The following GRK4 variants were observed in gnomAD, a reference collection of about 807,000 sequenced individuals.
The protein encoded by GRK4 is G protein-coupled receptor kinase 2-like.
Under a neutral mutation model 77.9 loss-of-function variants are expected in GRK4, and 73 were observed. The observed-to-expected ratio is 0.94, with a 90% confidence interval of 0.78 to 1.14. The LOEUF (loss-of-function observed/expected upper bound fraction) is 1.14. GRK4 is among the 50% of genes most tolerant of loss of function. The pLI, the probability that GRK4 is intolerant of heterozygous loss-of-function variation, is 0.00. For synonymous variants in GRK4, 257 were observed against 254.4 expected (o/e 1.01, Z -0.10); for missense variants, 729 against 700.2 (o/e 1.04, Z -0.46).
Position 3,040,556 on chromosome 4 carries a change from C to T in GRK4, c.1684-16C>T. 6.2e-7 allele frequency: 1 copy of T among 1,604,036 alleles called. No individual in the cohort carries two copies. Among genetic ancestry groups the T allele is most frequent in the Admixed American group, 1.7e-5 (1 of 58,298 alleles). On this transcript the variant is annotated splice_polypyrimidine_tract_variant and intron_variant, in intron 15 of 15. Transcript: ENST00000398052. The stretch of plus-strand genomic sequence containing the variant: ...CGCATCAGCCGTGTGCCTGAGGCCG[C>T]CGCTGTGTGTTGTAGGGCTGCCTGA...
intron 1 of GRK4, among the ~76,000 whole-genome samples, chr4:2,974,377 T>C (rs553010753): frequency 2.6e-5 from 4 of 152,356 alleles, no homozygotes; most frequent in African/African-American, 9.6e-5. Flanking sequence ...TGAATGAATG[T>C]ATGAATAGCA....
intron 6 of GRK4, among the ~76,000 whole-genome samples, chr4:3,008,085 A>G (rs1297154540): frequency 6.6e-6 from 1 of 152,266 alleles, no homozygotes; most frequent in Non-Finnish European, 1.5e-5. Flanking sequence ...ATACTGATTG[A>G]CGTAGACTTT....
intron 10 of GRK4, among the ~76,000 whole-genome samples, chr4:3,025,911 T>C (rs1295535968): frequency 6.6e-6 from 1 of 152,248 alleles, no homozygotes; most frequent in Non-Finnish European, 1.5e-5. Context: ...ACCACATGTA[T>C]TGTCCTCCAC....
chr4:2,997,143 T>C (rs1384362247), intron 4 of GRK4, among the ~76,000 whole-genome samples: 1 of 152,210 alleles, frequency 6.6e-6, no homozygotes, highest in African/African-American at 2.4e-5. Flanking sequence ...TCAGACATTG[T>C]TAGTTTTTCT....
Position 3,038,386 on chromosome 4 carries a change from C to G in GRK4, c.1556C>G (p.Ser519Cys). ...SIPWQNEMIESGCFKDINKSE... is the reference protein window; with the variant it reads ...SIPWQNEMIECGCFKDINKSE... ...ATTCTGTGCATGCAGATGATCGAAT[C>G]TGGGTGTTTCAAAGACATCAACAAA... is the stretch of plus-strand genomic sequence containing the variant. Residue 519 changes from serine to cysteine, a missense_variant, in exon 15 of 16, where the codon TCT becomes TGT. Physicochemically the swap from Ser to Cys is moderately radical, Grantham distance 112. Coordinates refer to ENST00000398052, the MANE Select transcript of GRK4 (RefSeq NM_182982.3). The G allele has an allele frequency of 6.2e-7, 1 of 1,614,162 alleles. No individual in the cohort carries two copies. Among genetic ancestry groups the G allele is most frequent in the Non-Finnish European group, 8.5e-7 (1 of 1,180,022 alleles).
intron 1 of GRK4, among the ~76,000 whole-genome samples, chr4:2,974,339 G>C (rs968376250): frequency 6.6e-6 from 1 of 152,214 alleles, no homozygotes; most frequent in African/African-American, 2.4e-5. Context: ...GCACACATTA[G>C]ATGCTCAGTA....
chr4:3,022,453 T>A lies in GRK4; in HGVS notation c.970+2T>A. The A allele has an allele frequency of 6.2e-7, 1 of 1,613,952 alleles. No individual in the cohort carries two copies. Among genetic ancestry groups the A allele is most frequent in the Non-Finnish European group, 8.5e-7 (1 of 1,179,922 alleles). On this transcript the variant is annotated splice_donor_variant, in intron 10 of 15. Coordinates refer to ENST00000398052, the MANE Select transcript of GRK4 (RefSeq NM_182982.3). LOFTEE classifies it high-confidence loss of function. ...AGAATATTCTCCTTGATGATCGTGG[T>A]AAGTGGGCAAGCCTTTCACATCTAA...
intron 1 of GRK4, among the ~76,000 whole-genome samples, chr4:2,964,700 T>C (rs1716940660): frequency 6.6e-6 from 1 of 152,224 alleles, no homozygotes; most frequent in Non-Finnish European, 1.5e-5. Flanking sequence ...TTCAGCCTTT[T>C]ATCATTATTA....
At chr4:3,030,355 C>A (rs2110056799) in intron 12 of GRK4, among the ~76,000 whole-genome samples, 1 of 152,362 alleles carries the variant, frequency 6.6e-6, no homozygotes, top group East Asian at 1.9e-4. Context: ...CCTCACTGCC[C>A]AGACACTCAA....
At chr4:2,985,688 A>G in intron 2 of GRK4, 1 of 276,718 alleles carries the variant, frequency 3.6e-6, no homozygotes, top group African/African-American at 2.3e-5. Context: ...TACAGGTCCT[A>G]ACATGAGCCT....
intron 2 of GRK4, among the ~76,000 whole-genome samples, chr4:2,986,186 C>CTAA (rs1724284343): frequency 6.6e-6 from 1 of 151,746 alleles, no homozygotes; most frequent in Admixed American, 6.6e-5. Flanking sequence ...GATGCCTTTG[C>CTAA]TAATACTGGT....
intron 12 of GRK4, among the ~76,000 whole-genome samples, chr4:3,033,744 G>A (rs373756992): frequency 6.6e-6 from 1 of 152,082 alleles, no homozygotes; most frequent in East Asian, 1.9e-4. Context: ...CTGCCACCAC[G>A]TCCGGCTAAT....
At chr4:3,011,797 T>G (rs1732991499) in intron 7 of GRK4, among the ~76,000 whole-genome samples, 1 of 152,220 alleles carries the variant, frequency 6.6e-6, no homozygotes. Flanking sequence ...TCAACAGTAA[T>G]TCTTTCGCTT....
rs1048324487 is a variant in GRK4 at position 3,009,456 on chromosome 4, C to T, written c.537-192C>T. The stretch of plus-strand genomic sequence containing the variant: ...AAAAAAAAAAAAGATGAATTAATTG[C>T]TCTTAGAGCAAGTCAAGAGCTATCC... On this transcript the variant is annotated intron_variant, in intron 6 of 15. Transcript: ENST00000398052. 2.7e-5 allele frequency among the ~76,000 whole-genome samples: 4 copies of T among 150,900 alleles called. No homozygotes were observed. The Admixed American group carries it at 2.7e-4, about 10-fold the overall frequency.
intron 8 of GRK4, 69 bp downstream of exon 8, chr4:3,013,897 G>A (rs568576866): frequency 2.0e-5 from 30 of 1,482,812 alleles, no homozygotes; most frequent in African/African-American, 1.7e-4. Flanking sequence ...CCGACATGCC[G>A]CTCAGCTCAC....
chr4:2,982,241 G>C (rs964394212), intron 1 of GRK4, among the ~76,000 whole-genome samples: 1 of 152,206 alleles, frequency 6.6e-6, no homozygotes, highest in Non-Finnish European at 1.5e-5. Context: ...GGCTTCCGCC[G>C]GCACTGGCCA....
chr4:2,987,085 G>C, intron 2 of GRK4: 1 of 512,712 alleles, frequency 2.0e-6, no homozygotes, highest in South Asian at 1.4e-5. Flanking sequence ...AAAAAGAAAC[G>C]CCACACCCAT....
At chr4:3,013,871 A>G (rs1390534531) in intron 8 of GRK4, 43 bp downstream of exon 8, 3 of 1,547,520 alleles carry the variant, frequency 1.9e-6, no homozygotes, top group Non-Finnish European at 1.7e-6. Context: ...TGTTTGATTC[A>G]TAGCACTTTT....
intron 1 of GRK4, among the ~76,000 whole-genome samples, chr4:2,968,069 G>A (rs1718324676): frequency 3.3e-5 from 5 of 151,690 alleles, no homozygotes; most frequent in African/African-American, 1.2e-4. Flanking sequence ...GGGATTACAG[G>A]CGTGAGCCAC....
Sources: allele counts gnomAD v4.1 joint callset (sites outside exome capture counted in the v4.1 genomes callset), GRCh38; gene constraint gnomAD v4.1.1; transcripts MANE v1.5; gene names NCBI Gene and HGNC (gene_info 2026-07-23, HGNC 2026-07-21).